The following DGKH variants were observed in gnomAD, a reference collection of about 807,000 sequenced individuals.
The protein encoded by DGKH is diacylglycerol kinase eta.
DGKH carries 90 observed loss-of-function variants against 159.3 expected under a neutral mutation model. The ratio of observed to expected loss-of-function variants is 0.57; its 90% CI spans 0.48 to 0.67. The LOEUF (loss-of-function observed/expected upper bound fraction) is 0.67, where lower values mean the gene tolerates loss of function less well. DGKH is among the 30% of genes least tolerant of loss of function. DGKH has a pLI of 0.00. For synonymous variants in DGKH, 536 were observed against 553.8 expected, an observed-to-expected ratio of 0.97 and a Z score of 0.45; for missense variants, 1,181 against 1,506.1, an observed-to-expected ratio of 0.78 and a Z score of 3.57.
intron 1 of DGKH, among the ~76,000 whole-genome samples, chr13:42,055,358 G>A: frequency 6.6e-6 from 1 of 152,140 alleles, no homozygotes; most frequent in East Asian, 1.9e-4. Flanking sequence ...ACTAAATATA[G>A]ACTGGAAATT....
chr13:42,129,495 A>C, intron 2 of DGKH, 57 bp from the exon 3 acceptor site: 1 of 1,403,728 alleles, frequency 7.1e-7, no homozygotes, highest in Non-Finnish European at 9.9e-7. Context: ...AAATGTATTG[A>C]AGAGCATTGA....
intron 16 of DGKH, among the ~76,000 whole-genome samples, chr13:42,193,101 G>A (rs1957123613): frequency 6.6e-6 from 1 of 152,112 alleles, no homozygotes; most frequent in African/African-American, 2.4e-5. Context: ...TTTCATCTGT[G>A]AATTTGATAA....
At chr13:42,189,494 G>T (rs17520245) in intron 15 of DGKH, among the ~76,000 whole-genome samples, 185 bp downstream of exon 15, 3,204 of 152,076 alleles carry the variant, frequency 0.021, 55 homozygotes, top group Middle Eastern at 0.031. Context: ...GTAGTAGTAA[G>T]AATCAGCATA....
intron 1 of DGKH, among the ~76,000 whole-genome samples, chr13:42,060,247 G>T (rs1052798453): frequency 6.6e-6 from 1 of 152,094 alleles, no homozygotes; most frequent in African/African-American, 2.4e-5. Flanking sequence ...CTGCCTCTTA[G>T]CCTCTATCCC....
At chr13:42,103,899 G>GACTACTAT (rs1264347632) in intron 1 of DGKH, among the ~76,000 whole-genome samples, 1 of 152,140 alleles carries the variant, frequency 6.6e-6, no homozygotes, top group Non-Finnish European at 1.5e-5. Context: ...TATATAGAAT[G>GACTACTAT]ACTACTATAA....
rs369689931 is a variant in DGKH, at chr13:42,081,367, C to G, written c.192+32402C>G. ...ACCTCAGCCTCCCAAGTAACTGGGA[C>G]TACAGGTGTGCACCACCACGCCTGG... On this transcript the variant is annotated intron_variant, in intron 1 of 29. Coordinates refer to ENST00000337343, the MANE Select transcript of DGKH (RefSeq NM_178009.5). 9.2e-5 allele frequency among the ~76,000 whole-genome samples: 14 copies of G among 152,148 alleles called. 1 individual carries two copies. In the East Asian group the frequency reaches 1.9e-3, roughly 21 times the overall value.
At chr13:42,113,618 T>G (rs1954909592) in intron 1 of DGKH, among the ~76,000 whole-genome samples, 1 of 152,116 alleles carries the variant, frequency 6.6e-6, no homozygotes, top group Admixed American at 6.5e-5. Flanking sequence ...TGGGAAAGTT[T>G]GGAGGCTGAT....
At chr13:42,160,286 G>T in intron 7 of DGKH, 150 bp downstream of exon 7, 1 of 1,095,792 alleles carries the variant, frequency 9.1e-7, no homozygotes, top group South Asian at 1.4e-5. Flanking sequence ...TTTCCTTACA[G>T]TATAGTCCTC....
At chr13:42,097,288 C>T (rs2767390) in intron 1 of DGKH, among the ~76,000 whole-genome samples, 82,832 of 151,990 alleles carry the variant, frequency 0.54, 23,130 homozygotes, top group African/African-American at 0.65. Context: ...CTTCCACTTA[C>T]TGTGTAATTT....
chr13:42,217,872 A>G (rs1244217326), intron 26 of DGKH, among the ~76,000 whole-genome samples: 2 of 152,234 alleles, frequency 1.3e-5, no homozygotes, highest in Non-Finnish European at 1.5e-5. Context: ...CATCTCTACT[A>G]AAAATACAAA....
intron 20 of DGKH, among the ~76,000 whole-genome samples, chr13:42,201,517 A>G (rs1426116920): frequency 6.6e-6 from 1 of 152,212 alleles, no homozygotes; most frequent in East Asian, 1.9e-4. Context: ...TCAGCTCTTC[A>G]GAAATAGGAT....
intron 4 of DGKH, 99 bp downstream of exon 4, chr13:42,155,494 A>G: frequency 6.8e-7 from 1 of 1,472,394 alleles, no homozygotes. Context: ...GTGTACACTC[A>G]TTCAGCAACT....
chr13:42,228,355 T>C (rs1958188728), intron 29 of DGKH, among the ~76,000 whole-genome samples: 2 of 152,214 alleles, frequency 1.3e-5, no homozygotes, highest in African/African-American at 4.8e-5. Context: ...AGTAATTTTT[T>C]ACACACATAC....
At chr13:42,158,262 GA>G (rs1956092633) in intron 5 of DGKH, among the ~76,000 whole-genome samples, 1 of 152,156 alleles carries the variant, frequency 6.6e-6, no homozygotes, top group Non-Finnish European at 1.5e-5. Flanking sequence ...GATTGACTTA[GA>G]AATCCAGAAA....
intron 28 of DGKH, 36 bp downstream of exon 28, chr13:42,219,830 A>G (rs771898061): frequency 1.4e-5 from 22 of 1,576,060 alleles, no homozygotes; most frequent in Non-Finnish European, 1.8e-5. Flanking sequence ...ATATAACATT[A>G]TGAAAAAAGA....
intron 29 of DGKH, among the ~76,000 whole-genome samples, chr13:42,224,975 G>A (rs1405345908): frequency 2.0e-5 from 3 of 152,132 alleles, no homozygotes; most frequent in Admixed American, 1.3e-4. Context: ...AGGATGGAGT[G>A]CAGTAATGCA....
At position 42,121,066 on chromosome 13, in the gene DGKH, T is replaced by TAC. The variant is rs377628213; in HGVS notation, c.193-6373_193-6372dup. 7.2e-3 allele frequency among the ~76,000 whole-genome samples: 1,046 copies of TAC among 144,828 alleles called. 6 individuals carry two copies. Among genetic ancestry groups the TAC allele is most frequent in the African/African-American group, 0.013 (508 of 39,864 alleles). On this transcript the variant is annotated intron_variant, in intron 1 of 29. Coordinates refer to ENST00000337343, the MANE Select transcript of DGKH (RefSeq NM_178009.5). ...TCTATGAAAGTAATAATATATATTA[T>TAC]ACACACACACACACACACACACACA... is the stretch of plus-strand genomic sequence containing the variant.
At chr13:42,255,955 T>C (rs550264265) in intron 30 of DGKH, 1 of 1,608,438 alleles carries the variant, frequency 6.2e-7, no homozygotes, top group Non-Finnish European at 8.5e-7. Context: ...TGGCTGCTCA[T>C]GACGCTCTGG....
chr13:42,210,470 T>C (rs901197881), intron 23 of DGKH, 132 bp from the exon 24 acceptor site: 9 of 867,766 alleles, frequency 1.0e-5, no homozygotes, highest in Non-Finnish European at 1.4e-5. Flanking sequence ...AACTTTGAAA[T>C]GTCTTTTTTA....
Sources: allele counts gnomAD v4.1 joint callset (sites outside exome capture counted in the v4.1 genomes callset), GRCh38; gene constraint gnomAD v4.1.1; transcripts MANE v1.5; gene names NCBI Gene and HGNC (gene_info 2026-07-23, HGNC 2026-07-21).